The following CATIP variants were observed in gnomAD, a reference collection of about 807,000 sequenced individuals.
The protein encoded by CATIP is ciliogenesis associated TTC17 interacting protein.
CATIP carries 40 observed loss-of-function variants against 42.5 expected under a neutral mutation model. That is an observed-to-expected ratio of 0.94 (90% CI 0.73 to 1.22). The LOEUF is 1.22. Among genes scored for constraint, CATIP ranks in the 50% most tolerant of loss-of-function variants. The probability of loss-of-function intolerance (pLI) is 0.00; values close to 1 mark genes in which losing one functional copy is unlikely to be tolerated. For synonymous variants in CATIP, 222 were observed against 200.2 expected (o/e 1.11, Z -0.92); for missense variants, 489 against 496.0 (o/e 0.99, Z 0.13).
chr2:218,363,048 C>T (rs1695290724), intron 6 of CATIP, 146 bp downstream of exon 6: 1 of 740,992 alleles, frequency 1.3e-6, no homozygotes, highest in Non-Finnish European at 2.1e-6. Flanking sequence ...CTTTCAAGGG[C>T]AGGAAAGCAT....
chr2:218,364,367 C>CT (rs1553518252), intron 6 of CATIP, among the ~76,000 whole-genome samples: 4 of 152,044 alleles, frequency 2.6e-5, no homozygotes, highest in Admixed American at 1.3e-4. Flanking sequence ...CACACCCCCC[C>CT]GCATACCGCT....
In CATIP at chr2:218,368,083, C is replaced by T; in HGVS notation, c.*119C>T. On this transcript the variant is annotated 3_prime_UTR_variant, in exon 10 of 10. Transcript: ENST00000289388. ...TTTGGGGGAATAAATGGGGCCCTCC[C>T]GCTTCTCTGCAGCGCCCGTCGACAG... The T allele has an allele frequency of 8.2e-7, 1 of 1,225,316 alleles. No homozygotes were observed. The highest frequency in any genetic ancestry group is 1.1e-6 in the Non-Finnish European group (1 of 919,374). The allele number at this position is 1,225,316 out of a possible 1,614,324, so 75.9% of individuals were successfully genotyped here.
intron 5 of CATIP, among the ~76,000 whole-genome samples, chr2:218,361,854 T>G (rs1286429371): frequency 1.3e-5 from 2 of 152,056 alleles, no homozygotes; most frequent in African/African-American, 2.4e-5. Flanking sequence ...GGGACCAGAT[T>G]AGATGAAGCC....
intron 7 of CATIP, 145 bp from the exon 8 acceptor site, chr2:218,366,879 C>A: frequency 1.4e-6 from 1 of 698,008 alleles, no homozygotes; most frequent in Non-Finnish European, 2.6e-6. Context: ...ATTCGGGCCC[C>A]ACCCTTATGA....
chr2:218,366,664 G>C, intron 7 of CATIP: 1 of 331,392 alleles, frequency 3.0e-6, no homozygotes, highest in South Asian at 2.4e-5. Context: ...CACAGGCTGG[G>C]TGGCTTCAAG....
intron 4 of CATIP, among the ~76,000 whole-genome samples, chr2:218,359,889 A>G: frequency 6.6e-6 from 1 of 151,746 alleles, no homozygotes. Flanking sequence ...GCAGTGGTGC[A>G]ATCTAGCTCA....
In CATIP at chr2:218,364,653, A is replaced by G; in HGVS notation, c.656A>G (p.Gln219Arg). ...CAAAACCTGGGCTTCCAGACCATCCAGGTAGACCATCAGCAGGCTGAAGTC... is the reference window on the plus strand; with the variant it reads ...CAAAACCTGGGCTTCCAGACCATCCGGGTAGACCATCAGCAGGCTGAAGTC... ...TYQNLGFQTI[Q>R]VDHQQAEVFI... The change falls in exon 7 of 10, where the codon CAG becomes CGG. Residue 219 changes from glutamine (Q) to arginine (R), a missense_variant. Physicochemically the swap from Gln to Arg is conservative, Grantham distance 43. Coordinates refer to ENST00000289388, the MANE Select transcript of CATIP (RefSeq NM_198559.2). 1 of 1,614,048 alleles carries G rather than the reference A, an allele frequency of 6.2e-7. No individual in the cohort carries two copies. The highest frequency in any genetic ancestry group is 8.5e-7 in the Non-Finnish European group (1 of 1,179,952).
At chr2:218,363,233 C>A (rs1386974618) in intron 6 of CATIP, among the ~76,000 whole-genome samples, 1 of 152,078 alleles carries the variant, frequency 6.6e-6, no homozygotes, top group Non-Finnish European at 1.5e-5. Context: ...GTAATCCCAG[C>A]ACTTTGGGAG....
Position 218,357,078 on chromosome 2 carries a change from C to T in CATIP, c.26-17C>T, listed in dbSNP as rs368507846. The T allele has an allele frequency of 2.1e-5, 34 of 1,607,260 alleles. No homozygotes were observed. The African/African-American group carries it at 3.9e-4, about 18-fold the overall frequency. ...TCTCCCCAGGGTCTGCCATCTTAGC[C>T]TCTCATCCCTCTGTAGGCTCCAGAG... On this transcript the variant is annotated splice_polypyrimidine_tract_variant and intron_variant, in intron 1 of 9. Transcript: ENST00000289388.
chr2:218,364,191 C>G (rs138456436), intron 6 of CATIP, among the ~76,000 whole-genome samples: 1 of 152,288 alleles, frequency 6.6e-6, no homozygotes, highest in East Asian at 1.9e-4. Flanking sequence ...ACTTTTTTCT[C>G]CATAGCTGCA....
intron 5 of CATIP, among the ~76,000 whole-genome samples, chr2:218,361,368 C>T (rs1225355455): frequency 4.7e-5 from 7 of 149,604 alleles, no homozygotes; most frequent in South Asian, 4.2e-4. Flanking sequence ...AGCAAGACTC[C>T]GTCTCAAAAA....
intron 4 of CATIP, among the ~76,000 whole-genome samples, 180 bp from the exon 5 acceptor site, chr2:218,360,393 G>A (rs1365451962): frequency 2.6e-5 from 4 of 151,980 alleles, no homozygotes; most frequent in Non-Finnish European, 5.9e-5. Flanking sequence ...CTCGTGATCC[G>A]CCCACCTCGG....
chr2:218,360,604 G>A lies in CATIP; in HGVS notation c.407G>A (p.Ser136Asn), dbSNP rs780173009. The A allele has an allele frequency of 2.5e-6, 4 of 1,614,008 alleles. No homozygotes were observed. In the South Asian group the frequency reaches 4.4e-5, roughly 18 times the overall value. ...FLILPMERKMSLLKQDDQLAV... is the reference protein window; with the variant it reads ...FLILPMERKMNLLKQDDQLAV... ...ATCCTCCCCATGGAACGGAAGATGA[G>A]TTTGCTGAAGCAGGATGATCAGCTG... Residue 136 changes from serine (S) to asparagine (N), a missense_variant, in exon 5 of 10, where the codon AGT becomes AAT. Transcript: ENST00000289388.
In CATIP at chr2:218,358,098, T is replaced by G. The variant is rs1695099352; in HGVS notation, c.375+6T>G. The G allele has an allele frequency of 8.7e-6, 14 of 1,612,918 alleles. No homozygotes were observed. The highest frequency in any genetic ancestry group is 1.2e-5 in the Non-Finnish European group (14 of 1,179,344). ...ACAGCCAAGACTTCATCAAGGTACT[T>G]CCCAGGGCCCCAGCCTTGACCCAAT... On this transcript the variant is annotated splice_donor_region_variant and intron_variant, in intron 4 of 9. Transcript: ENST00000289388.
chr2:218,363,167 T>C (rs1415320012), intron 6 of CATIP, among the ~76,000 whole-genome samples: 1 of 152,032 alleles, frequency 6.6e-6, no homozygotes, highest in Admixed American at 6.6e-5. Flanking sequence ...ATAAATATAG[T>C]GCAGGGCTGA....
intron 6 of CATIP, 98 bp downstream of exon 6, chr2:218,363,000 A>G: frequency 1.6e-6 from 2 of 1,258,684 alleles, no homozygotes; most frequent in Non-Finnish European, 2.2e-6. Flanking sequence ...TAGAAAAGGG[A>G]GGCAGGTGGG....
intron 5 of CATIP, among the ~76,000 whole-genome samples, chr2:218,361,202 A>C (rs1447424744): frequency 1.3e-5 from 2 of 152,030 alleles, no homozygotes; most frequent in Non-Finnish European, 2.9e-5. Flanking sequence ...ACACTGGTTC[A>C]CCAGACGTAA....
In CATIP at chr2:218,357,667, C is replaced by T. The variant is rs760579695; in HGVS notation, c.252C>T (p.Tyr84=). 16 of 1,614,014 alleles carry T rather than the reference C, an allele frequency of 9.9e-6. No homozygotes were observed. Among genetic ancestry groups the T allele is most frequent in the Non-Finnish European group, 1.1e-5 (13 of 1,180,024 alleles). ...AGGAAAAACTCGGCATGCTGACATA[C>T]TGCCTCTTCGTGCATGCCTCTAGCC... ...KYQEKLGMLT[Y]CLFVHASSRG... is the part of the protein sequence containing the mutation. The change falls in exon 3 of 10, where the codon TAC becomes TAT. Residue 84 remains tyrosine, a synonymous_variant. Transcript: ENST00000289388.
intron 4 of CATIP, among the ~76,000 whole-genome samples, chr2:218,359,739 C>T (rs1453303192): frequency 7.9e-5 from 12 of 152,228 alleles, no homozygotes; most frequent in South Asian, 2.1e-4. Context: ...TATATTGCAT[C>T]ATAACACGAC....
Sources: allele counts gnomAD v4.1 joint callset (sites outside exome capture counted in the v4.1 genomes callset), GRCh38; gene constraint gnomAD v4.1.1; transcripts MANE v1.5; gene names NCBI Gene and HGNC (gene_info 2026-07-23, HGNC 2026-07-21).